The following IMMP2L variants were observed in gnomAD, a reference collection of about 807,000 sequenced individuals.
IMMP2L encodes inner mitochondrial membrane peptidase subunit 2.
A neutral mutation model predicts 19.3 loss-of-function variants in IMMP2L; 18 were observed. The ratio of observed to expected loss-of-function variants is 0.93; its 90% CI spans 0.64 to 1.38. IMMP2L has a LOEUF of 1.38. Ranked by LOEUF, IMMP2L falls within the 40% of genes most tolerant of loss-of-function variation. The pLI, the probability that IMMP2L is intolerant of heterozygous loss-of-function variation, is 0.00. For synonymous variants in IMMP2L, 76 were observed against 73.0 expected (o/e 1.04, Z -0.21); for missense variants, 233 against 218.2 (o/e 1.07, Z -0.43).
At chr7:110,824,870 T>C (rs558234579) in intron 5 of IMMP2L, among the ~76,000 whole-genome samples, 9 of 152,252 alleles carry the variant, frequency 5.9e-5, no homozygotes, top group African/African-American at 1.9e-4. Context: ...TACTCAAAGA[T>C]TGACATTTAA....
intron 3 of IMMP2L, among the ~76,000 whole-genome samples, chr7:111,295,983 GTTAA>G (rs1219195768): frequency 5.8e-5 from 4 of 68,702 alleles, no homozygotes; most frequent in African/African-American, 5.8e-4. Flanking sequence ...TAGAAAGAAT[GTTAA>G]AAAAAAAAAA....
At chr7:111,197,420 G>A (rs935843019) in intron 3 of IMMP2L, among the ~76,000 whole-genome samples, 7 of 152,110 alleles carry the variant, frequency 4.6e-5, no homozygotes, top group South Asian at 4.1e-4. Flanking sequence ...CTGAGATCAC[G>A]CCACGGTGCT....
At chr7:111,258,442 G>A (rs574441929) in intron 3 of IMMP2L, among the ~76,000 whole-genome samples, 81 of 152,000 alleles carry the variant, frequency 5.3e-4, no homozygotes, top group Non-Finnish European at 7.9e-4. Flanking sequence ...TCTTCTACAC[G>A]ATGGCTAATA....
At chr7:111,300,014 T>G (rs1464732878) in intron 3 of IMMP2L, among the ~76,000 whole-genome samples, 3 of 152,172 alleles carry the variant, frequency 2.0e-5, no homozygotes, top group African/African-American at 7.2e-5. Flanking sequence ...CAGTAAAACT[T>G]ATTTTGAAGG....
intron 5 of IMMP2L, among the ~76,000 whole-genome samples, chr7:110,777,447 T>G (rs1332437306): frequency 6.6e-6 from 1 of 151,948 alleles, no homozygotes; most frequent in South Asian, 2.1e-4. Context: ...TACAGTAATA[T>G]TTTTCCCTAC....
At chr7:111,292,009 C>A (rs1198296184) in intron 3 of IMMP2L, among the ~76,000 whole-genome samples, 1 of 152,140 alleles carries the variant, frequency 6.6e-6, no homozygotes. Context: ...TCTTGCCTGT[C>A]CCCCTGCAGT....
intron 4 of IMMP2L, 152 bp downstream of exon 4, chr7:110,963,348 G>T: frequency 1.6e-6 from 1 of 607,886 alleles, no homozygotes; most frequent in Non-Finnish European, 2.9e-6. Flanking sequence ...CAACCTGAAA[G>T]GTTAATGATG....
At chr7:110,856,592 C>T (rs1175519384) in intron 5 of IMMP2L, among the ~76,000 whole-genome samples, 1 of 151,926 alleles carries the variant, frequency 6.6e-6, no homozygotes, top group African/African-American at 2.4e-5. Flanking sequence ...GCATCTTGAG[C>T]AGCTAGCAAG....
chr7:110,733,018 C>T (rs1369074898), intron 5 of IMMP2L, among the ~76,000 whole-genome samples: 2 of 152,062 alleles, frequency 1.3e-5, no homozygotes, highest in African/African-American at 4.8e-5. Context: ...AAACTCCTGG[C>T]CTCAAGTGAT....
In IMMP2L at chr7:110,877,585, T is replaced by C. The variant is rs558118281; in HGVS notation, c.408+9008A>G. Among the ~76,000 whole-genome samples, 2 of 152,212 alleles carry C rather than the reference T, an allele frequency of 1.3e-5. No individual in the cohort carries two copies. Among genetic ancestry groups the C allele is most frequent in the East Asian group, 1.9e-4 (1 of 5,162 alleles). On this transcript the variant is annotated intron_variant, in intron 5 of 5. Coordinates refer to ENST00000405709, the MANE Select transcript of IMMP2L (RefSeq NM_032549.4). This position sits in a 1 kb window ranked among gnomAD's most constrained non-coding sequence, Gnocchi z 4.0. The stretch of plus-strand genomic sequence containing the variant: ...GGCAGGTAAGACGGATCTGGAAAAT[T>C]TGGCGGGAGACAGGATCAAAAGGGT...
At chr7:110,815,117 C>G (rs916672822) in intron 5 of IMMP2L, among the ~76,000 whole-genome samples, 1 of 151,956 alleles carries the variant, frequency 6.6e-6, no homozygotes, top group African/African-American at 2.4e-5. Context: ...ATAGATAGCT[C>G]CTATTATTTT....
At chr7:111,255,388 G>A (rs774022701) in intron 3 of IMMP2L, among the ~76,000 whole-genome samples, 1 of 152,018 alleles carries the variant, frequency 6.6e-6, no homozygotes, top group African/African-American at 2.4e-5. Flanking sequence ...GAGAGGTAGT[G>A]AGAGAAAGGA....
In IMMP2L at chr7:111,123,868, C is replaced by T. The variant is rs1439943888; in HGVS notation, c.240-160303G>A. 5 of 1,614,006 alleles carry T rather than the reference C, an allele frequency of 3.1e-6. No individual in the cohort carries two copies. The highest frequency in any genetic ancestry group is 4.2e-6 in the Non-Finnish European group (5 of 1,180,000). Reference sequence around the variant, plus strand: ...GCCAAACCTCAAGGAAATCAGCATACACAGTAACCCCATCAGGTGTGACTG... The same window carrying T: ...GCCAAACCTCAAGGAAATCAGCATATACAGTAACCCCATCAGGTGTGACTG... On this transcript the variant is annotated intron_variant, in intron 3 of 5. Transcript: ENST00000405709. The surrounding 1 kb of genome is among the most constrained non-coding windows in gnomAD (Gnocchi z 6.4).
chr7:111,069,369 A>T (rs1456435851), intron 3 of IMMP2L, among the ~76,000 whole-genome samples: 1 of 152,172 alleles, frequency 6.6e-6, no homozygotes, highest in African/African-American at 2.4e-5. Context: ...CATTTGGTAA[A>T]ATGAGGAATA....
At chr7:111,158,389 A>T (rs1804880815) in intron 3 of IMMP2L, among the ~76,000 whole-genome samples, 1 of 152,142 alleles carries the variant, frequency 6.6e-6, no homozygotes, top group South Asian at 2.1e-4. Context: ...TGAGATTTTT[A>T]AATTGTATAA....
At position 111,123,526 on chromosome 7, in the gene IMMP2L, C is replaced by T; in HGVS notation, c.240-159961G>A. On this transcript the variant is annotated intron_variant, in intron 3 of 5. Coordinates refer to ENST00000405709, the MANE Select transcript of IMMP2L (RefSeq NM_032549.4). The surrounding 1 kb of genome is among the most constrained non-coding windows in gnomAD (Gnocchi z 6.4). ...TTACGATAACAGGCTTATTAAAGTA[C>T]CCCATGTTGCTCTTCAAAAAGTTGT... 6.2e-7 allele frequency: 1 copy of T among 1,613,796 alleles called. No individual in the cohort carries two copies. The highest frequency in any genetic ancestry group is 8.5e-7 in the Non-Finnish European group (1 of 1,179,900).
At chr7:110,957,224 C>A (rs1241431459) in intron 4 of IMMP2L, among the ~76,000 whole-genome samples, 3 of 151,876 alleles carry the variant, frequency 2.0e-5, no homozygotes, top group African/African-American at 7.2e-5. Flanking sequence ...TTTGTAAATT[C>A]AGCTGAATTC....
At chr7:111,220,916 T>A (rs1812443864) in intron 3 of IMMP2L, among the ~76,000 whole-genome samples, 1 of 152,052 alleles carries the variant, frequency 6.6e-6, no homozygotes, top group African/African-American at 2.4e-5. Flanking sequence ...CCTCCATCTT[T>A]TTGTTCTATT....
intron 3 of IMMP2L, among the ~76,000 whole-genome samples, chr7:111,341,143 T>A (rs114033056): frequency 6.6e-6 from 1 of 152,098 alleles, no homozygotes; most frequent in African/African-American, 2.4e-5. Flanking sequence ...CAGAGCAATA[T>A]TGAGAATAAT....
Sources: gnomAD v4.1 joint callset for allele counts (sites outside exome capture counted in the v4.1 genomes callset) on GRCh38, gnomAD v4.1.1 for gene constraint, Gnocchi (gnomAD v3.1) non-coding constraint, MANE v1.5 for transcripts, NCBI Gene and HGNC (gene_info 2026-07-23, HGNC 2026-07-21) for gene names.